Variants in PLCB4 observed in about 807,000 individuals in gnomAD.
The protein encoded by PLCB4 is phospholipase C beta 4.
PLCB4 carries 77 observed loss-of-function variants against 178.8 expected under a neutral mutation model. The ratio of observed to expected loss-of-function variants is 0.43; its 90% CI spans 0.36 to 0.52. The LOEUF is 0.52. Ranked by LOEUF, PLCB4 falls within the 20% of genes least tolerant of loss-of-function variation. The pLI, the probability that PLCB4 is intolerant of heterozygous loss-of-function variation, is 0.00. For missense variants in PLCB4, 1,024 were observed against 1,453.4 expected, an observed-to-expected ratio of 0.70 and a Z score of 4.80; for synonymous variants, 496 against 490.8, an observed-to-expected ratio of 1.01 and a Z score of -0.14.
chr20:9,177,102 C>G (rs2093168498), intron 2 of PLCB4, among the ~76,000 whole-genome samples: 1 of 152,056 alleles, frequency 6.6e-6, no homozygotes, highest in Non-Finnish European at 1.5e-5. Flanking sequence ...AAGATGGAAC[C>G]CATGGCTGTG....
intron 7 of PLCB4, among the ~76,000 whole-genome samples, chr20:9,359,918 T>TA (rs967878162): frequency 1.4e-4 from 21 of 152,302 alleles, no homozygotes; most frequent in Admixed American, 9.2e-4. Context: ...TACTTTATGT[T>TA]AAAAAAACCC....
intron 2 of PLCB4, among the ~76,000 whole-genome samples, chr20:9,206,713 G>A (rs2093619429): frequency 6.6e-6 from 1 of 152,158 alleles, no homozygotes; most frequent in Non-Finnish European, 1.5e-5. Context: ...GACCCTGCTT[G>A]GATGTTCTGA....
At chr20:9,191,137 C>T (rs1208825686) in intron 2 of PLCB4, among the ~76,000 whole-genome samples, 1 of 152,068 alleles carries the variant, frequency 6.6e-6, no homozygotes, top group Non-Finnish European at 1.5e-5. Context: ...AGAACACAAA[C>T]ATGAACCTTA....
intron 12 of PLCB4, among the ~76,000 whole-genome samples, chr20:9,375,032 A>G (rs1439306940): frequency 2.0e-5 from 3 of 152,048 alleles, no homozygotes; most frequent in African/African-American, 7.2e-5. Context: ...AGATTTCTTT[A>G]GGTCATAGGA....
intron 2 of PLCB4, among the ~76,000 whole-genome samples, chr20:9,108,142 C>G (rs933308523): frequency 6.6e-6 from 1 of 152,012 alleles, no homozygotes. Flanking sequence ...ATCATGATTC[C>G]CATTAGGTGT....
intron 18 of PLCB4, among the ~76,000 whole-genome samples, chr20:9,394,680 G>A (rs1017855038): frequency 1.3e-5 from 2 of 152,054 alleles, no homozygotes; most frequent in Non-Finnish European, 2.9e-5. Context: ...ATGTTATTTT[G>A]TATGTTTGTG....
rs1168432490 is a variant in PLCB4 at position 9,438,376 on chromosome 20, A to G, written c.2764+1224A>G. ...GGGAGACTATATCTTAAAAAAAAAA[A>G]AAAAAAAGAAAGAAAGAAATAAGTT... is the stretch of plus-strand genomic sequence containing the variant. On this transcript the variant is annotated intron_variant, in intron 30 of 39. Transcript: ENST00000378473. 2.6e-5 allele frequency among the ~76,000 whole-genome samples: 4 copies of G among 151,618 alleles called. No individual in the cohort carries two copies. The East Asian group carries it at 8.3e-4, about 31-fold the overall frequency.
intron 28 of PLCB4, among the ~76,000 whole-genome samples, chr20:9,428,730 G>T (rs921740160): frequency 6.6e-6 from 1 of 152,016 alleles, no homozygotes; most frequent in African/African-American, 2.4e-5. Context: ...GAGGGGAACG[G>T]GAGGGAACCT....
At chr20:9,397,595 T>G (rs1242175837) in intron 19 of PLCB4, among the ~76,000 whole-genome samples, 1 of 152,232 alleles carries the variant, frequency 6.6e-6, no homozygotes, top group African/African-American at 2.4e-5. Flanking sequence ...ACTAACCTTA[T>G]TCAAGACTCC....
intron 3 of PLCB4, among the ~76,000 whole-genome samples, chr20:9,292,427 A>G (rs1418161661): frequency 6.6e-6 from 1 of 152,052 alleles, no homozygotes. Context: ...CTCTAAAGAG[A>G]CAGTCTCTAG....
chr20:9,169,373 A>G (rs1042334594), intron 2 of PLCB4, among the ~76,000 whole-genome samples: 3 of 151,262 alleles, frequency 2.0e-5, no homozygotes, highest in Admixed American at 2.0e-4. Flanking sequence ...AGATTACTTG[A>G]GGTCAGGAGT....
At chr20:9,471,951 A>G (rs1315834002) in intron 36 of PLCB4, among the ~76,000 whole-genome samples, 1 of 152,210 alleles carries the variant, frequency 6.6e-6, no homozygotes, top group African/African-American at 2.4e-5. Context: ...TTCAACAGAC[A>G]CTTATTGTGT....
chr20:9,165,584 T>C (rs147271040), intron 2 of PLCB4, among the ~76,000 whole-genome samples: 1 of 152,330 alleles, frequency 6.6e-6, no homozygotes, highest in East Asian at 1.9e-4. Flanking sequence ...ATAAAATCTC[T>C]TCTAACAGAT....
At chr20:9,326,134 T>C (rs942848416) in intron 4 of PLCB4, among the ~76,000 whole-genome samples, 2 of 152,190 alleles carry the variant, frequency 1.3e-5, no homozygotes, top group African/African-American at 4.8e-5. Flanking sequence ...GATTTCAGCA[T>C]AGGAATTTTT....
chr20:9,246,061 TA>T (rs1249294855), intron 3 of PLCB4, among the ~76,000 whole-genome samples: 2 of 152,222 alleles, frequency 1.3e-5, no homozygotes, highest in Non-Finnish European at 2.9e-5. Flanking sequence ...ACATATACCA[TA>T]AACTTAGATA....
At chr20:9,206,118 G>A (rs979522178) in intron 2 of PLCB4, among the ~76,000 whole-genome samples, 1 of 152,028 alleles carries the variant, frequency 6.6e-6, no homozygotes, top group African/African-American at 2.4e-5. Flanking sequence ...GCATATTTCT[G>A]TTAAGATTTT....
chr20:9,109,725 A>G (rs1167638873), intron 2 of PLCB4, among the ~76,000 whole-genome samples: 1 of 152,172 alleles, frequency 6.6e-6, no homozygotes, highest in East Asian at 1.9e-4. Context: ...TGTGCCAGCC[A>G]CAGATGGACT....
chr20:9,282,033 C>T (rs149851218), intron 3 of PLCB4, among the ~76,000 whole-genome samples: 137 of 152,066 alleles, frequency 9.0e-4, no homozygotes, highest in African/African-American at 3.3e-3. Flanking sequence ...TCTTATATAT[C>T]ACATAATCTT....
At chr20:9,158,561 A>C (rs910383373) in intron 2 of PLCB4, among the ~76,000 whole-genome samples, 1 of 147,680 alleles carries the variant, frequency 6.8e-6, no homozygotes, top group African/African-American at 2.5e-5. Flanking sequence ...GAGCCACTGC[A>C]CCTGGCCACT....
Sources: allele counts gnomAD v4.1 joint callset (sites outside exome capture counted in the v4.1 genomes callset), GRCh38; gene constraint gnomAD v4.1.1; transcripts MANE v1.5; gene names NCBI Gene and HGNC (gene_info 2026-07-23, HGNC 2026-07-21).